Variants in SIRT1 observed in about 807,000 individuals in gnomAD.
SIRT1 encodes sirtuin 1.
Under a neutral mutation model 67.9 loss-of-function variants are expected in SIRT1, and 24 were observed. That is an observed-to-expected ratio of 0.35 (90% CI 0.26 to 0.50). The LOEUF is 0.50. SIRT1 is among the 20% of genes least tolerant of loss of function. SIRT1 has a pLI of 0.98. For missense variants in SIRT1, 873 were observed against 937.2 expected (o/e 0.93, Z 0.89); for synonymous variants, 378 against 350.7 (o/e 1.08, Z -0.87).
chr10:67,907,260 C>T (rs574809710), intron 5 of SIRT1, among the ~76,000 whole-genome samples: 109 of 152,058 alleles, frequency 7.2e-4, no homozygotes, highest in Admixed American at 2.8e-3. Context: ...TTTGGGAAGC[C>T]GAGGCGGGCA....
In SIRT1 at chr10:67,917,867, AC is replaced by A. The variant is rs2131898243; in HGVS notation, c.*1275del. ...GCTTCTAGTCTTTCAAGAAGTTCAT[AC>A]TTTATGAAATTGCACAGTAAGCATT... On this transcript the variant is annotated 3_prime_UTR_variant, in exon 9 of 9. Transcript: ENST00000212015. The A allele has an allele frequency of 2.0e-5, 3 of 152,704 alleles. No homozygotes were observed. The South Asian group carries it at 6.2e-4, about 32-fold the overall frequency. 9.5% of individuals were successfully genotyped at this position (152,704 alleles called of 1,614,324 possible). A position where few individuals can be genotyped will look rare whatever the true frequency, so the allele number is the denominator to read the frequency against.
In SIRT1 at chr10:67,916,540, A is replaced by C. The variant is rs35224060; in HGVS notation, c.2191A>C (p.Ile731Leu). The C allele has an allele frequency of 1.2e-6, 2 of 1,614,148 alleles. No individual in the cohort carries two copies. Among genetic ancestry groups the C allele is most frequent in the Non-Finnish European group, 1.7e-6 (2 of 1,180,004 alleles). Residue 731 changes from isoleucine to leucine, a missense_variant, in exon 9 of 9, where the codon ATA becomes CTA. Around this residue, in one of 3 missense-constraint regions of SIRT1, gnomAD observed 295 missense variants for 294.5 expected, o/e 1.00. Coordinates refer to ENST00000212015, the MANE Select transcript of SIRT1 (RefSeq NM_012238.5). The stretch of plus-strand genomic sequence containing the variant: ...TGATCAAGAGGCAATTAATGAAGCT[A>C]TATCTGTGAAACAGGAAGTAACAGA... Reference protein sequence around the residue: ...GDDQEAINEAISVKQEVTDMN... With the variant: ...GDDQEAINEALSVKQEVTDMN...
intron 4 of SIRT1, among the ~76,000 whole-genome samples, chr10:67,900,438 C>T (rs1842724240): frequency 6.6e-6 from 1 of 151,996 alleles, no homozygotes; most frequent in Non-Finnish European, 1.5e-5. Flanking sequence ...AGCCGCCGCG[C>T]TTGGCTCAAC....
intron 4 of SIRT1, among the ~76,000 whole-genome samples, chr10:67,893,020 CAA>C (rs1842597798): frequency 6.6e-6 from 1 of 152,220 alleles, no homozygotes; most frequent in Non-Finnish European, 1.5e-5. Flanking sequence ...ACACCATTCT[CAA>C]GAGATTGAGT....
intron 4 of SIRT1, among the ~76,000 whole-genome samples, chr10:67,904,780 G>T (rs1388217375): frequency 6.6e-6 from 1 of 151,770 alleles, no homozygotes; most frequent in Non-Finnish European, 1.5e-5. Flanking sequence ...GGAGGTGGAG[G>T]TTGTGGTGAG....
chr10:67,911,206 T>C (rs1842893945), intron 7 of SIRT1, among the ~76,000 whole-genome samples: 1 of 152,208 alleles, frequency 6.6e-6, no homozygotes, highest in Admixed American at 6.5e-5. Flanking sequence ...TTTCTTTTTA[T>C]TTTTTAGAGA....
At chr10:67,906,238 C>T (rs867788553) in intron 4 of SIRT1, 1 of 1,573,974 alleles carries the variant, frequency 6.4e-7, no homozygotes, top group Non-Finnish European at 8.6e-7. Flanking sequence ...TCATGAGCAA[C>T]TCTATACTAT....
intron 3 of SIRT1, among the ~76,000 whole-genome samples, chr10:67,890,028 G>T (rs1842544500): frequency 6.6e-6 from 1 of 150,818 alleles, no homozygotes; most frequent in Non-Finnish European, 1.5e-5. Context: ...TGCCCTGGCT[G>T]GAGTGCAGTG....
chr10:67,910,600 G>A (rs527248017), intron 7 of SIRT1, among the ~76,000 whole-genome samples: 14 of 152,128 alleles, frequency 9.2e-5, no homozygotes, highest in Non-Finnish European at 1.9e-4. Context: ...AAATTCAAAT[G>A]TATAGTTTGG....
Position 67,884,737 on chromosome 10 carries a change from G to A in SIRT1, c.16G>A (p.Ala6Thr). MADEA[A>T]LALQPGGSPS... ...CAGTTGGAAGATGGCGGACGAGGCG[G>A]CCCTCGCCCTTCAGCCCGGCGGCTC... is the stretch of plus-strand genomic sequence containing the variant. Residue 6 changes from alanine (A) to threonine (T), a missense_variant, in exon 1 of 9, where the codon GCC (alanine) becomes ACC (threonine). Coordinates refer to ENST00000212015, the MANE Select transcript of SIRT1 (RefSeq NM_012238.5). 1 of 1,229,052 alleles carries A rather than the reference G, an allele frequency of 8.1e-7. No individual in the cohort carries two copies. The highest frequency in any genetic ancestry group is 3.2e-5 in the East Asian group (1 of 31,564). 76.1% of individuals were successfully genotyped at this position (1,229,052 alleles called of 1,614,324 possible). A position where few individuals can be genotyped will look rare whatever the true frequency, so the allele number is the denominator to read the frequency against.
intron 2 of SIRT1, among the ~76,000 whole-genome samples, chr10:67,888,346 G>T (rs1842518746): frequency 6.6e-6 from 1 of 152,050 alleles, no homozygotes; most frequent in African/African-American, 2.4e-5. Flanking sequence ...TAGGGAGCTG[G>T]TTTGAGCAAT....
intron 8 of SIRT1, among the ~76,000 whole-genome samples, chr10:67,916,020 G>T (rs1353195624): frequency 6.6e-6 from 1 of 152,110 alleles, no homozygotes; most frequent in Admixed American, 6.5e-5. Context: ...AAGAGACAGG[G>T]CCTCACTCTG....
chr10:67,892,551 A>G (rs1266671416), intron 4 of SIRT1, among the ~76,000 whole-genome samples: 1 of 152,174 alleles, frequency 6.6e-6, no homozygotes, highest in Non-Finnish European at 1.5e-5. Context: ...ACCCTGGGCA[A>G]CAGAGCAAGA....
At chr10:67,906,759 G>A (rs1174125107) in intron 4 of SIRT1, 31 bp from the exon 5 acceptor site, 6 of 1,597,976 alleles carry the variant, frequency 3.8e-6, no homozygotes, top group East Asian at 4.5e-5. Context: ...TTTCACTAAT[G>A]TAAATTTTTT....
intron 7 of SIRT1, among the ~76,000 whole-genome samples, chr10:67,911,864 C>T (rs1476092257): frequency 6.8e-6 from 1 of 147,576 alleles, no homozygotes; most frequent in African/African-American, 2.5e-5. Flanking sequence ...CTGCAGTCTC[C>T]CGTGTTCAAG....
At chr10:67,893,382 G>GT (rs1287121721) in intron 4 of SIRT1, among the ~76,000 whole-genome samples, 1 of 152,142 alleles carries the variant, frequency 6.6e-6, no homozygotes, top group Non-Finnish European at 1.5e-5. Context: ...TCACTTATGA[G>GT]TGAGGACATG....
chr10:67,885,495 TTTA>T, intron 1 of SIRT1: 2 of 873,118 alleles, frequency 2.3e-6, no homozygotes, highest in Non-Finnish European at 2.9e-6. Flanking sequence ...TTTCTTTTTC[TTTA>T]TTTTTTATTT....
At chr10:67,910,787 G>T (rs939723700) in intron 7 of SIRT1, among the ~76,000 whole-genome samples, 3 of 152,142 alleles carry the variant, frequency 2.0e-5, no homozygotes, top group Non-Finnish European at 4.4e-5. Flanking sequence ...AAATTTCTTT[G>T]TCATATATAT....
chr10:67,910,898 A>G (rs1358531523), intron 7 of SIRT1, among the ~76,000 whole-genome samples: 1 of 152,108 alleles, frequency 6.6e-6, no homozygotes, highest in Non-Finnish European at 1.5e-5. Flanking sequence ...GGGAAAGAGG[A>G]GAGGAAAAAT....
Sources: gnomAD v4.1 joint callset for allele counts (sites outside exome capture counted in the v4.1 genomes callset) on GRCh38, gnomAD v4.1.1 for gene constraint, gnomAD v4.1.1 regional missense constraint, MANE v1.5 for transcripts, NCBI Gene and HGNC (gene_info 2026-07-23, HGNC 2026-07-21) for gene names.